RNF130: variants seen among roughly 807,000 people sequenced by gnomAD.
The protein encoded by RNF130 is ring finger protein 130, also known as E3 ubiquitin-protein ligase RNF130.
A neutral mutation model predicts 44.6 loss-of-function variants in RNF130; 21 were observed. That is an observed-to-expected ratio of 0.47 (90% CI 0.33 to 0.68). RNF130 has a LOEUF of 0.68. RNF130 is among the 30% of genes least tolerant of loss of function. The pLI is 0.02. For synonymous variants in RNF130, 214 were observed against 210.4 expected (o/e 1.02, Z -0.15); for missense variants, 479 against 560.6 (o/e 0.85, Z 1.47).
At chr5:180,011,995 G>C (rs2113082896) in intron 3 of RNF130, among the ~76,000 whole-genome samples, 1 of 152,228 alleles carries the variant, frequency 6.6e-6, no homozygotes, top group Non-Finnish European at 1.5e-5. Flanking sequence ...GTCAGTGTTT[G>C]GGTATTTTAT....
exon 8 of RNF130, chr5:179,913,699 A>ATGCCCC (rs1350320781): frequency 1.3e-5 from 2 of 152,198 alleles, no homozygotes. Flanking sequence ...GATACCCACA[A>ATGCCCC]AAAAGAGGGT....
intron 3 of RNF130, among the ~76,000 whole-genome samples, chr5:179,989,577 T>C (rs1763032249): frequency 6.6e-6 from 1 of 152,246 alleles, no homozygotes; most frequent in Non-Finnish European, 1.5e-5. Context: ...CTTACTGCTT[T>C]TGCTTTCTGT....
intron 3 of RNF130, among the ~76,000 whole-genome samples, chr5:179,987,308 T>C (rs898577034): frequency 2.6e-5 from 4 of 152,106 alleles, no homozygotes; most frequent in Admixed American, 6.6e-5. Flanking sequence ...CCTGGGACTA[T>C]AGGCACACAC....
intron 3 of RNF130, among the ~76,000 whole-genome samples, chr5:180,005,285 G>C (rs1438435480): frequency 6.6e-6 from 1 of 152,010 alleles, no homozygotes; most frequent in Non-Finnish European, 1.5e-5. Flanking sequence ...AAAATTAGTC[G>C]GGCCTGGTGG....
chr5:179,998,859 TTATATATA>T (rs61232613), intron 3 of RNF130, among the ~76,000 whole-genome samples: 4 of 88,730 alleles, frequency 4.5e-5, no homozygotes, highest in African/African-American at 8.5e-5. Flanking sequence ...CTAGTATTTT[TTATATATA>T]TATATATATA....
At chr5:180,055,871 G>A (rs562356269) in intron 1 of RNF130, among the ~76,000 whole-genome samples, 2 of 152,164 alleles carry the variant, frequency 1.3e-5, no homozygotes, top group African/African-American at 4.8e-5. Flanking sequence ...ATCATCTGAG[G>A]TCAGGAGTTC....
chr5:180,008,468 T>C (rs1010643385), intron 3 of RNF130, among the ~76,000 whole-genome samples: 1 of 152,052 alleles, frequency 6.6e-6, no homozygotes, highest in African/African-American at 2.4e-5. Context: ...AATGAAACAC[T>C]GACTAAGACA....
chr5:180,026,126 A>G (rs1236993346), intron 2 of RNF130, among the ~76,000 whole-genome samples: 1 of 152,118 alleles, frequency 6.6e-6, no homozygotes, highest in Non-Finnish European at 1.5e-5. Context: ...CCAAAAAAAA[A>G]AAAGAAAAAC....
chr5:179,912,160 G>A (rs1218334326), exon 8 of RNF130: 1 of 152,164 alleles, frequency 6.6e-6, no homozygotes, highest in Non-Finnish European at 1.5e-5. Context: ...TAGTGAGCAG[G>A]AACCTAGAGT....
intron 2 of RNF130, among the ~76,000 whole-genome samples, chr5:180,018,752 G>A (rs188784057): frequency 5.3e-5 from 8 of 152,322 alleles, no homozygotes; most frequent in African/African-American, 1.9e-4. Context: ...GGGATCTGCT[G>A]ACCAACACAG....
At chr5:179,987,412 G>A (rs896991661) in intron 3 of RNF130, among the ~76,000 whole-genome samples, 8 of 152,134 alleles carry the variant, frequency 5.3e-5, no homozygotes, top group African/African-American at 9.7e-5. Context: ...CAAGTGATCC[G>A]CCTACCTTGG....
chr5:179,917,362 G>C (rs1000223502), exon 8 of RNF130: 1 of 152,428 alleles, frequency 6.6e-6, no homozygotes, highest in Non-Finnish European at 1.5e-5. Flanking sequence ...TGGAGGCAGG[G>C]GGGTGGATGT....
At chr5:179,998,200 G>A (rs1763247212) in intron 3 of RNF130, among the ~76,000 whole-genome samples, 1 of 152,132 alleles carries the variant, frequency 6.6e-6, no homozygotes, top group African/African-American at 2.4e-5. Context: ...AATCTCTATT[G>A]TTTTGATGTA....
chr5:179,983,595 T>C (rs943980425), intron 3 of RNF130, among the ~76,000 whole-genome samples: 3 of 152,232 alleles, frequency 2.0e-5, no homozygotes, highest in African/African-American at 7.2e-5. Flanking sequence ...TTCCTTTCTA[T>C]TCTAACATCC....
chr5:180,053,515 A>G (rs955806411), intron 1 of RNF130, among the ~76,000 whole-genome samples: 9 of 152,332 alleles, frequency 5.9e-5, no homozygotes, highest in Non-Finnish European at 7.4e-5. Context: ...AGGCAAACAC[A>G]AGATGATGGT....
chr5:179,940,849 T>G (rs140845057), intron 7 of RNF130, among the ~76,000 whole-genome samples: 1 of 152,294 alleles, frequency 6.6e-6, no homozygotes, highest in East Asian at 1.9e-4. Flanking sequence ...GTATATTAAT[T>G]TTTTCATCAT....
At chr5:180,051,083 G>C (rs1011964329) in intron 1 of RNF130, among the ~76,000 whole-genome samples, 1 of 152,038 alleles carries the variant, frequency 6.6e-6, no homozygotes, top group Non-Finnish European at 1.5e-5. Context: ...GATTACAGGC[G>C]TAAGCCACCA....
At chr5:179,963,682 G>C (rs557987663) in intron 7 of RNF130, 118 bp from the exon 8 acceptor site, 1 of 729,386 alleles carries the variant, frequency 1.4e-6, no homozygotes, top group South Asian at 1.6e-5. Context: ...GCCAAGATTG[G>C]CCCAAGGAAG....
At chr5:179,997,565 T>C (rs1457902822) in intron 3 of RNF130, among the ~76,000 whole-genome samples, 3 of 152,046 alleles carry the variant, frequency 2.0e-5, no homozygotes. Flanking sequence ...CCTGACCTCG[T>C]GATCTGCCTG....
Sources: gnomAD v4.1 joint callset for allele counts (sites outside exome capture counted in the v4.1 genomes callset) on GRCh38, gnomAD v4.1.1 for gene constraint, MANE v1.5 for transcripts, NCBI Gene and HGNC (gene_info 2026-07-23, HGNC 2026-07-21) for gene names.